The following CACNA2D1 variants were observed in gnomAD, a reference collection of about 807,000 sequenced individuals.
CACNA2D1 encodes the protein calcium voltage-gated channel auxiliary subunit alpha2delta 1.
In CACNA2D1, 53 loss-of-function variants were observed where a neutral mutation model predicts 171.5. The ratio of observed to expected loss-of-function variants is 0.31; its 90% confidence interval spans 0.25 to 0.39. CACNA2D1 has a LOEUF of 0.39. Ranked by LOEUF, CACNA2D1 falls within the 10% of genes least tolerant of loss-of-function variation. The probability of loss-of-function intolerance (pLI) is 1.00; values close to 1 mark genes in which losing one functional copy is unlikely to be tolerated. For missense variants in CACNA2D1, 903 were observed against 1,299.8 expected (o/e 0.69, Z 4.69); for synonymous variants, 442 against 443.1 (o/e 1.00, Z 0.03).
At chr7:82,265,190 C>T (rs1424613815) in intron 3 of CACNA2D1, among the ~76,000 whole-genome samples, 1 of 152,146 alleles carries the variant, frequency 6.6e-6, no homozygotes, top group African/African-American at 2.4e-5. Context: ...ATGATCTCTT[C>T]CCACCTAAAA....
chr7:82,252,778 T>C (rs545451708), intron 3 of CACNA2D1, among the ~76,000 whole-genome samples: 46 of 152,016 alleles, frequency 3.0e-4, no homozygotes, highest in African/African-American at 1.1e-3. Flanking sequence ...TAGTCCCAGC[T>C]ACTCAGGAAG....
intron 3 of CACNA2D1, among the ~76,000 whole-genome samples, chr7:82,185,834 G>T (rs1585038707): frequency 6.6e-6 from 1 of 151,944 alleles, no homozygotes; most frequent in Admixed American, 6.6e-5. Context: ...TAAAGAAAGG[G>T]AAAATACAGG....
At chr7:82,077,883 G>A (rs775702894) in intron 7 of CACNA2D1, among the ~76,000 whole-genome samples, 25 of 151,790 alleles carry the variant, frequency 1.6e-4, no homozygotes, top group African/African-American at 3.9e-4. Flanking sequence ...TAGATCGAAC[G>A]CTTCATTTAT....
chr7:82,247,008 C>G (rs1216339403), intron 3 of CACNA2D1, among the ~76,000 whole-genome samples: 1 of 152,146 alleles, frequency 6.6e-6, no homozygotes, highest in Non-Finnish European at 1.5e-5. Flanking sequence ...TCAAAATGTG[C>G]TGGACAGAGT....
intron 38 of CACNA2D1, among the ~76,000 whole-genome samples, chr7:81,956,647 A>G (rs1358372645): frequency 3.3e-5 from 5 of 151,474 alleles, no homozygotes; most frequent in Non-Finnish European, 7.4e-5. Flanking sequence ...ATTTTCTGAG[A>G]CTCCCTCTGC....
intron 3 of CACNA2D1, among the ~76,000 whole-genome samples, chr7:82,300,165 A>G (rs896013150): frequency 6.6e-6 from 1 of 152,168 alleles, no homozygotes; most frequent in African/African-American, 2.4e-5. Context: ...AGGTAAAGAA[A>G]GAAAAAGTAA....
rs73705871 is a variant in CACNA2D1 at position 82,179,635 on chromosome 7, T to C, written c.295-9026A>G. ...GCTCCTTTACATATCTAGCAATTAT[T>C]TTTTACTACCATGAATAACTAAGGA... On this transcript the variant is annotated intron_variant, in intron 3 of 38. Transcript: ENST00000356860. Among the ~76,000 whole-genome samples the C allele has an allele frequency of 5.3e-3, 803 of 152,222 alleles. 12 individuals are homozygous for C. The highest frequency in any genetic ancestry group is 0.019 in the African/African-American group (773 of 41,552).
intron 3 of CACNA2D1, among the ~76,000 whole-genome samples, chr7:82,267,805 T>C (rs989489077): frequency 2.6e-5 from 4 of 152,090 alleles, no homozygotes; most frequent in Non-Finnish European, 5.9e-5. Context: ...CCATCCTGGC[T>C]AACACGGTGA....
At chr7:81,965,386 C>T (rs1794612975) in intron 32 of CACNA2D1, among the ~76,000 whole-genome samples, 1 of 151,744 alleles carries the variant, frequency 6.6e-6, no homozygotes, top group African/African-American at 2.4e-5. Flanking sequence ...TTAATGATAC[C>T]AGTACTAAAA....
chr7:81,970,077 T>G (rs1795108846), intron 27 of CACNA2D1, 93 bp from the exon 28 acceptor site: 9 of 778,104 alleles, frequency 1.2e-5, no homozygotes, highest in South Asian at 5.5e-5. Context: ...CAGATACGCC[T>G]ACATCTCAGG....
In CACNA2D1 at chr7:81,946,615, A is replaced by G. The variant is rs571608045; in HGVS notation, c.*3777T>C. The G allele has an allele frequency of 6.6e-6, 1 of 152,276 alleles. No homozygotes were observed. Among genetic ancestry groups the G allele is most frequent in the South Asian group, 2.1e-4 (1 of 4,828 alleles). The allele number at this position is 152,276 out of a possible 1,614,324, so 9.4% of individuals were successfully genotyped here. ...GTGTCAAGAGAACAAAATAAAGGGG[A>G]GAAAAGATCTATTGTTCACAAAAGC... On this transcript the variant is annotated 3_prime_UTR_variant, in exon 39 of 39. Coordinates refer to ENST00000356860, the MANE Select transcript of CACNA2D1 (RefSeq NM_000722.4).
intron 3 of CACNA2D1, among the ~76,000 whole-genome samples, chr7:82,216,525 G>A (rs1385867298): frequency 6.6e-6 from 1 of 152,186 alleles, no homozygotes; most frequent in Admixed American, 6.5e-5. Context: ...AATCAATTTG[G>A]TTTGCTACAT....
chr7:81,956,788 G>A (rs188171293), intron 38 of CACNA2D1, among the ~76,000 whole-genome samples: 12 of 152,138 alleles, frequency 7.9e-5, no homozygotes, highest in African/African-American at 2.6e-4. Context: ...ACGAAAGTGC[G>A]TGCTCTAGTA....
intron 4 of CACNA2D1, among the ~76,000 whole-genome samples, chr7:82,138,447 T>G (rs1791959032): frequency 1.9e-5 from 1 of 52,948 alleles, no homozygotes; most frequent in South Asian, 8.9e-4. Flanking sequence ...TTTGTTTTTT[T>G]TGTTTTTTTT....
At chr7:82,151,966 A>G (rs1308304087) in intron 4 of CACNA2D1, among the ~76,000 whole-genome samples, 2 of 152,068 alleles carry the variant, frequency 1.3e-5, no homozygotes, top group African/African-American at 4.8e-5. Context: ...CATGTTGTAT[A>G]TTTTTGTCCA....
intron 3 of CACNA2D1, among the ~76,000 whole-genome samples, chr7:82,291,341 T>C (rs1811541515): frequency 7.3e-6 from 1 of 137,742 alleles, no homozygotes; most frequent in African/African-American, 2.7e-5. Flanking sequence ...TATAGATATC[T>C]TTATACATCT....
intron 6 of CACNA2D1, among the ~76,000 whole-genome samples, chr7:82,111,255 GAT>G (rs372604030): frequency 7.2e-6 from 1 of 139,322 alleles, no homozygotes. Flanking sequence ...ACTTTTCCTT[GAT>G]ATATATATAT....
At chr7:82,361,959 G>A (rs1214437123) in intron 1 of CACNA2D1, among the ~76,000 whole-genome samples, 1 of 152,074 alleles carries the variant, frequency 6.6e-6, no homozygotes, top group African/African-American at 2.4e-5. Context: ...CCTCATTTGT[G>A]TTGATGTTTA....
At chr7:82,292,919 A>G (rs1263848921) in intron 3 of CACNA2D1, among the ~76,000 whole-genome samples, 1 of 152,110 alleles carries the variant, frequency 6.6e-6, no homozygotes, top group Non-Finnish European at 1.5e-5. Flanking sequence ...TGTATATGTG[A>G]GTATATACAA....
Sources: gnomAD v4.1 joint callset for allele counts (sites outside exome capture counted in the v4.1 genomes callset) on GRCh38, gnomAD v4.1.1 for gene constraint, MANE v1.5 for transcripts, NCBI Gene and HGNC (gene_info 2026-07-23, HGNC 2026-07-21) for gene names.